The following ZBTB17 variants were observed in gnomAD, a reference collection of about 807,000 sequenced individuals.
ZBTB17 encodes the protein zinc finger and BTB domain containing 17.
A neutral mutation model predicts 85.1 loss-of-function variants in ZBTB17; 24 were observed. The ratio of observed to expected loss-of-function variants is 0.28; its 90% CI spans 0.20 to 0.40. The LOEUF (loss-of-function observed/expected upper bound fraction) is 0.40, where lower values mean the gene tolerates loss of function less well. Among genes scored for constraint, ZBTB17 ranks in the 10% least tolerant of loss-of-function variants. ZBTB17 has a pLI of 1.00. For synonymous variants in ZBTB17, 464 were observed against 460.2 expected, an observed-to-expected ratio of 1.01 and a Z score of -0.11; for missense variants, 743 against 1,105.1, an observed-to-expected ratio of 0.67 and a Z score of 4.65.
intron 2 of ZBTB17, among the ~76,000 whole-genome samples, chr1:15,961,574 T>G (rs2072259266): frequency 1.3e-5 from 2 of 152,282 alleles, no homozygotes; most frequent in South Asian, 4.1e-4. Context: ...ACAGCAGAGT[T>G]TTTAGAAGCA....
In ZBTB17 at chr1:15,964,118, T is replaced by TAG. The variant is rs1553185904; in HGVS notation, c.-3+8919_-3+8920dup. Among the ~76,000 whole-genome samples the TAG allele has an allele frequency of 2.5e-3, 312 of 124,076 alleles. No homozygotes were observed. Among genetic ancestry groups the TAG allele is most frequent in the African/African-American group, 7.7e-3 (268 of 34,992 alleles). 81.4% of individuals were successfully genotyped at this position (124,076 alleles called of 152,430 possible). On this transcript the variant is annotated intron_variant, in intron 2 of 15. Coordinates refer to ENST00000375743, the MANE Select transcript of ZBTB17 (RefSeq NM_003443.3). This position sits in a 1 kb window ranked among gnomAD's most constrained non-coding sequence, Gnocchi z 4.3. ...CTGGACAACAGCGAGACCCTGTCTC[T>TAG]AGAGAGAAAAAAAAAAAAAGGTTTA...
In ZBTB17 at chr1:15,944,682, G is replaced by A. The variant is rs746696909; in HGVS notation, c.1070+15C>T. The A allele has an allele frequency of 5.6e-6, 9 of 1,605,076 alleles. No homozygotes were observed. Among genetic ancestry groups the A allele is most frequent in the African/African-American group, 2.7e-5 (2 of 74,902 alleles). ...CTGGCAGGGGCCGGGGTAGGAGGCCGGCTTGGGGCAGTACCTGTGCGTCTT... is the reference window on the plus strand; with the variant it reads ...CTGGCAGGGGCCGGGGTAGGAGGCCAGCTTGGGGCAGTACCTGTGCGTCTT... On this transcript the variant is annotated intron_variant, in intron 8 of 15. Transcript: ENST00000375743.
At chr1:15,967,682 A>G (rs967144508) in intron 2 of ZBTB17, among the ~76,000 whole-genome samples, 6 of 152,122 alleles carry the variant, frequency 3.9e-5, no homozygotes, top group African/African-American at 1.4e-4. Flanking sequence ...AGAGTCTTCT[A>G]TCAAATAACA....
At chr1:15,971,975 C>A (rs2072704759) in intron 2 of ZBTB17, among the ~76,000 whole-genome samples, 1 of 151,890 alleles carries the variant, frequency 6.6e-6, no homozygotes, top group Non-Finnish European at 1.5e-5. Flanking sequence ...CAGATTCACA[C>A]CTGACCCCAG....
rs886788809 is a variant in ZBTB17 at position 15,952,735 on chromosome 1, G to A, written c.-2-4238C>T. 4.6e-5 allele frequency among the ~76,000 whole-genome samples: 7 copies of A among 152,226 alleles called. No homozygotes were observed. Among genetic ancestry groups the A allele is most frequent in the Non-Finnish European group, 2.9e-5 (2 of 68,042 alleles). On this transcript the variant is annotated intron_variant, in intron 2 of 15. Coordinates refer to ENST00000375743, the MANE Select transcript of ZBTB17 (RefSeq NM_003443.3). The surrounding 1 kb of genome is among the most constrained non-coding windows in gnomAD (Gnocchi z 4.3). ...GACACATGGAGGGGCTCTGGGGAGA[G>A]GGCACATGGAGAAGAGCAGAGAGGC...
intron 2 of ZBTB17, among the ~76,000 whole-genome samples, chr1:15,948,981 G>A (rs1205904442): frequency 6.6e-6 from 1 of 152,148 alleles, no homozygotes; most frequent in Non-Finnish European, 1.5e-5. Context: ...TCATGGACAG[G>A]TGAAGACAAG....
At position 15,943,793 on chromosome 1, in the gene ZBTB17, C is replaced by T; in HGVS notation, c.1459+15G>A. On this transcript the variant is annotated intron_variant, in intron 10 of 15. Transcript: ENST00000375743. Reference sequence around the variant, plus strand: ...AGCAGGGGTGTGAGGGCAGCCAGGGCAGCCCTGGCCCTACCTGAGGTGGTG... The same window carrying T: ...AGCAGGGGTGTGAGGGCAGCCAGGGTAGCCCTGGCCCTACCTGAGGTGGTG... 6.2e-7 allele frequency: 1 copy of T among 1,612,392 alleles called. No individual in the cohort carries two copies. The highest frequency in any genetic ancestry group is 8.5e-7 in the Non-Finnish European group (1 of 1,179,508).
Position 15,946,994 on chromosome 1 carries a change from T to A in ZBTB17, c.335A>T (p.Lys112Met), listed in dbSNP as rs145800378. The A allele has an allele frequency of 3.3e-4, 529 of 1,613,904 alleles. 1 individual carries two copies. The highest frequency in any genetic ancestry group is 8.2e-4 in the Middle Eastern group (5 of 6,080). Residue 112 changes from lysine to methionine, a missense_variant, in exon 4 of 16, where the codon AAG becomes ATG. Around this residue, in one of 4 missense-constraint regions of ZBTB17, gnomAD observed 279 missense variants for 269.9 expected, o/e 1.03. Coordinates refer to ENST00000375743, the MANE Select transcript of ZBTB17 (RefSeq NM_003443.3). ...GCTGGTAGCCGGCTCAGCAAGTGACTTGAGGGCATGGCAGGCCGTGATGAT... is the reference window on the plus strand; with the variant it reads ...GCTGGTAGCCGGCTCAGCAAGTGACATGAGGGCATGGCAGGCCGTGATGAT... ...QDIITACHAL[K>M]SLAEPATSPG... is the part of the protein sequence containing the mutation.
intron 2 of ZBTB17, among the ~76,000 whole-genome samples, chr1:15,970,536 C>A (rs2072611323): frequency 2.0e-5 from 3 of 151,462 alleles, no homozygotes; most frequent in African/African-American, 7.3e-5. Flanking sequence ...GCACCCACCA[C>A]CACACCCAGC....
At position 15,945,080 on chromosome 1, in the gene ZBTB17, C is replaced by G; in HGVS notation, c.784G>C (p.Ala262Pro). ...EEGSQLENGE[A>P]PEENENEESA... ...TCCTCATTCTCGTTCTCCTCGGGGG[C>G]CTCTCCGTTCTCCAGCTGGGAACCC... Residue 262 changes from alanine (A) to proline (P), a missense_variant, in exon 7 of 16, where the codon GCC (alanine) becomes CCC (proline). Coordinates refer to ENST00000375743, the MANE Select transcript of ZBTB17 (RefSeq NM_003443.3). 6.2e-7 allele frequency: 1 copy of G among 1,611,754 alleles called. No homozygotes were observed. Among genetic ancestry groups the G allele is most frequent in the Non-Finnish European group, 8.5e-7 (1 of 1,179,268 alleles).
At chr1:15,955,579 T>C (rs951626018) in intron 2 of ZBTB17, among the ~76,000 whole-genome samples, 1 of 152,252 alleles carries the variant, frequency 6.6e-6, no homozygotes, top group Admixed American at 6.5e-5. Flanking sequence ...CAGATTTTTT[T>C]AAATCTTAAA....
In ZBTB17 at chr1:15,944,742, G is replaced by A; in HGVS notation, c.1025C>T (p.Ala342Val). The change falls in exon 8 of 16, where the codon GCC becomes GTC. Residue 342 changes from alanine to valine, a missense_variant. Ala to Val is a moderately conservative substitution (Grantham distance 64). Around this residue, in one of 4 missense-constraint regions of ZBTB17, gnomAD observed 321 missense variants for 615.7 expected, o/e 0.52. Coordinates refer to ENST00000375743, the MANE Select transcript of ZBTB17 (RefSeq NM_003443.3). ...KPFSCRECSK[A>V]FSDPAACKAH... ...CTTGCACGCGGCCGGGTCGGAAAAG[G>A]CCTTGCTGCACTCCCGGCACGAGAA... 6.2e-7 allele frequency: 1 copy of A among 1,612,364 alleles called. No individual in the cohort carries two copies. Among genetic ancestry groups the A allele is most frequent in the South Asian group, 1.1e-5 (1 of 91,076 alleles).
rs959234431 is a variant in ZBTB17, at chr1:15,973,290, T to C, written c.-89-165A>G. 1.3e-5 allele frequency among the ~76,000 whole-genome samples: 2 copies of C among 152,172 alleles called. No homozygotes were observed. Among genetic ancestry groups the C allele is most frequent in the South Asian group, 2.1e-4 (1 of 4,832 alleles). ...AATAAATGGCCTGCTCTGTGCCAGA[T>C]AGCATGCTGACACTGGGACACAAAG... On this transcript the variant is annotated intron_variant, in intron 1 of 15. Coordinates refer to ENST00000375743, the MANE Select transcript of ZBTB17 (RefSeq NM_003443.3). The surrounding 1 kb of genome is among the most constrained non-coding windows in gnomAD (Gnocchi z 4.1).
In ZBTB17 at chr1:15,943,616, T is replaced by A; in HGVS notation, c.1559A>T (p.His520Leu). 6.2e-7 allele frequency: 1 copy of A among 1,612,844 alleles called. No individual in the cohort carries two copies. Among genetic ancestry groups the A allele is most frequent in the Non-Finnish European group, 8.5e-7 (1 of 1,179,912 alleles). Residue 520 changes from histidine to leucine, a missense_variant, in exon 11 of 16, where the codon CAC becomes CTC. Physicochemically the swap from His to Leu is moderately conservative, Grantham distance 99. This residue lies in a region of ZBTB17 where 321 missense variants were observed against 615.7 expected (regional missense o/e 0.52). Coordinates refer to ENST00000375743, the MANE Select transcript of ZBTB17 (RefSeq NM_003443.3). ...QFADPGALQR[H>L]VRIHTGEKPC... The stretch of plus-strand genomic sequence containing the variant: ...CCACCCACCTGTGTGAATGCGGACG[T>A]GCCGCTGCAGAGCGCCGGGGTCTGC...
chr1:15,957,981 G>A (rs1557787416), intron 2 of ZBTB17, among the ~76,000 whole-genome samples: 2 of 152,150 alleles, frequency 1.3e-5, no homozygotes, highest in South Asian at 2.1e-4. Context: ...AAGCCACAAG[G>A]TGGAACAAGA....
At chr1:15,956,151 C>T (rs961787843) in intron 2 of ZBTB17, among the ~76,000 whole-genome samples, 1 of 152,190 alleles carries the variant, frequency 6.6e-6, no homozygotes, top group African/African-American at 2.4e-5. Context: ...AGTACCTGAT[C>T]ATTCCCCAAG....
At chr1:15,971,886 C>CT (rs34488066) in intron 2 of ZBTB17, among the ~76,000 whole-genome samples, 88,762 of 146,840 alleles carry the variant, frequency 0.6, 27,352 homozygotes, top group East Asian at 0.76. Flanking sequence ...ATAGTCATTA[C>CT]TTTTTTTTTT....
Position 15,945,678 on chromosome 1 carries a change from C to T in ZBTB17, c.661+37G>A, listed in dbSNP as rs371009353. ...GTGGAGGCAGGGCCCTGGGAGGATG[C>T]ACCAGGTAGGGCCTGGTCCTGGCTG... On this transcript the variant is annotated intron_variant, in intron 6 of 15. Transcript: ENST00000375743. The T allele has an allele frequency of 1.1e-5, 17 of 1,603,098 alleles. No individual in the cohort carries two copies. In the African/African-American group the frequency reaches 1.7e-4, roughly 16 times the overall value.
intron 2 of ZBTB17, among the ~76,000 whole-genome samples, chr1:15,968,938 T>TG: frequency 6.6e-6 from 1 of 152,238 alleles, no homozygotes; most frequent in Non-Finnish European, 1.5e-5. Flanking sequence ...TCCCAACCCC[T>TG]GGGCCACAAA....
Sources: gnomAD v4.1 joint callset for allele counts (sites outside exome capture counted in the v4.1 genomes callset) on GRCh38, gnomAD v4.1.1 for gene constraint, gnomAD v4.1.1 regional missense constraint, Gnocchi (gnomAD v3.1) non-coding constraint, MANE v1.5 for transcripts, NCBI Gene and HGNC (gene_info 2026-07-23, HGNC 2026-07-21) for gene names.